The following ASTN1 variants were observed in gnomAD, a reference collection of about 807,000 sequenced individuals.
ASTN1 encodes astrotactin-1.
A neutral mutation model predicts 140.7 loss-of-function variants in ASTN1; 41 were observed. That is an observed-to-expected ratio of 0.29 (90% CI 0.23 to 0.38). The LOEUF (loss-of-function observed/expected upper bound fraction) is 0.38. Ranked by LOEUF, ASTN1 falls within the 10% of genes least tolerant of loss-of-function variation. ASTN1 has a pLI of 1.00. For missense variants in ASTN1, 1,479 were observed against 1,678.8 expected (o/e 0.88, Z 2.08); for synonymous variants, 640 against 652.2 (o/e 0.98, Z 0.29).
chr1:176,996,891 T>C (rs530001185), intron 8 of ASTN1, among the ~76,000 whole-genome samples: 10 of 152,238 alleles, frequency 6.6e-5, no homozygotes, highest in Admixed American at 6.5e-4. Context: ...AAATGCAATT[T>C]GAGGAAGGGA....
chr1:177,121,331 A>G (rs1021517074), intron 1 of ASTN1, among the ~76,000 whole-genome samples: 3 of 152,128 alleles, frequency 2.0e-5, no homozygotes, highest in South Asian at 2.1e-4. Flanking sequence ...CTGTTTGCTC[A>G]GCAGCAAAAT....
intron 1 of ASTN1, 67 bp from the exon 2 acceptor site, chr1:177,061,332 C>T (rs535835334): frequency 5.5e-5 from 77 of 1,393,900 alleles, no homozygotes; most frequent in African/African-American, 5.1e-4. Context: ...TCTTCTTCCT[C>T]GCCACTTGTA....
chr1:177,110,564 G>A (rs763970221), intron 1 of ASTN1, among the ~76,000 whole-genome samples: 3 of 152,178 alleles, frequency 2.0e-5, no homozygotes, highest in Non-Finnish European at 4.4e-5. Context: ...ATACAAAGGG[G>A]GAGGAAATAA....
At chr1:177,082,419 ACTCCCATGG>A (rs1306175269) in intron 1 of ASTN1, among the ~76,000 whole-genome samples, 1 of 151,964 alleles carries the variant, frequency 6.6e-6, no homozygotes, top group African/African-American at 2.4e-5. Context: ...TCCAGTTTTC[ACTCCCATGG>A]CTCTCTTTTC....
rs76100414 is a variant in ASTN1 at position 177,097,309 on chromosome 1, T to C, written c.284-36044A>G. On this transcript the variant is annotated intron_variant, in intron 1 of 22. Coordinates refer to ENST00000361833, the MANE Select transcript of ASTN1 (RefSeq NM_004319.3). ...CCAACTGCCAAATGCCTTCACTTTA[T>C]TTCATATGATAATTTTTCAATATAG... Among the ~76,000 whole-genome samples, 97 of 152,308 alleles carry C rather than the reference T, an allele frequency of 6.4e-4. 1 individual carries two copies. The East Asian group carries it at 0.018, about 29-fold the overall frequency.
chr1:177,005,977 T>C (rs1000757649), intron 8 of ASTN1, among the ~76,000 whole-genome samples: 1 of 152,192 alleles, frequency 6.6e-6, no homozygotes, highest in East Asian at 1.9e-4. Context: ...TAAGTTGTAA[T>C]GCATTAAATA....
At chr1:176,882,404 T>C (rs1315698799) in intron 20 of ASTN1, among the ~76,000 whole-genome samples, 1 of 152,234 alleles carries the variant, frequency 6.6e-6, no homozygotes, top group Non-Finnish European at 1.5e-5. Context: ...CTACTCACCT[T>C]CATGCTTCTT....
At chr1:176,952,384 T>A (rs1251826379) in intron 11 of ASTN1, among the ~76,000 whole-genome samples, 1 of 152,092 alleles carries the variant, frequency 6.6e-6, no homozygotes, top group Non-Finnish European at 1.5e-5. Flanking sequence ...AGTGACGACC[T>A]TGATGGCGAG....
At chr1:177,065,430 G>T (rs948372581) in intron 1 of ASTN1, among the ~76,000 whole-genome samples, 1 of 152,164 alleles carries the variant, frequency 6.6e-6, no homozygotes, top group Non-Finnish European at 1.5e-5. Context: ...TGTGTTACAT[G>T]GTCCCTATTC....
chr1:176,862,961 C>A lies in ASTN1; in HGVS notation c.*1323G>T. 3.0e-6 allele frequency: 3 copies of A among 985,464 alleles called. No individual in the cohort carries two copies. The highest frequency in any genetic ancestry group is 3.6e-6 in the Non-Finnish European group (3 of 829,960). 61.0% of individuals were successfully genotyped at this position (985,464 alleles called of 1,614,324 possible). A position where few individuals can be genotyped will look rare whatever the true frequency, so the allele number is the denominator to read the frequency against. ...TGGTGGCTGAAGGTGTGTGTTCAGG[C>A]CACTGAGTTGTGTGGGACAGCTAAG... On this transcript the variant is annotated 3_prime_UTR_variant, in exon 23 of 23. Transcript: ENST00000361833.
intron 2 of ASTN1, among the ~76,000 whole-genome samples, chr1:177,051,680 A>G (rs1169385554): frequency 6.6e-6 from 1 of 152,204 alleles, no homozygotes; most frequent in African/African-American, 2.4e-5. Context: ...TCTGTGAGAC[A>G]GACCCCAAAC....
In ASTN1 at chr1:176,980,980, G is replaced by C. The variant is rs925824905; in HGVS notation, c.1524-15743C>G. ...TAATCTCAGCACTTTGGGAGGCTGT[G>C]GTGGGTGGATCACCTGAGCTCAGGA... On this transcript the variant is annotated intron_variant, in intron 8 of 22. Coordinates refer to ENST00000361833, the MANE Select transcript of ASTN1 (RefSeq NM_004319.3). 2.0e-5 allele frequency among the ~76,000 whole-genome samples: 3 copies of C among 151,962 alleles called. No homozygotes were observed. The East Asian group carries it at 5.8e-4, about 29-fold the overall frequency.
At chr1:176,997,204 T>C (rs1045589380) in intron 8 of ASTN1, among the ~76,000 whole-genome samples, 1 of 152,154 alleles carries the variant, frequency 6.6e-6, no homozygotes, top group African/African-American at 2.4e-5. Context: ...CATAATTCTT[T>C]TGTTTACTCC....
chr1:176,980,457 C>T (rs781064451), intron 8 of ASTN1, among the ~76,000 whole-genome samples: 7 of 150,862 alleles, frequency 4.6e-5, no homozygotes, highest in Admixed American at 1.3e-4. Context: ...ACCCACAGCC[C>T]GTTTCTATGA....
intron 8 of ASTN1, among the ~76,000 whole-genome samples, chr1:176,968,338 T>A (rs1228612629): frequency 3.3e-5 from 5 of 152,228 alleles, no homozygotes; most frequent in Non-Finnish European, 7.3e-5. Flanking sequence ...CAAATTTCAA[T>A]AGAGGAAGAT....
chr1:177,035,353 G>C (rs1323993075), intron 2 of ASTN1, among the ~76,000 whole-genome samples: 4 of 152,192 alleles, frequency 2.6e-5, no homozygotes, highest in Non-Finnish European at 5.9e-5. Context: ...GAATAGGAGA[G>C]TATGGATGAA....
chr1:177,016,261 A>G (rs957934091), intron 7 of ASTN1, among the ~76,000 whole-genome samples: 102 of 150,482 alleles, frequency 6.8e-4, no homozygotes, highest in African/African-American at 2.5e-3. Flanking sequence ...TTTGTCCCCC[A>G]CAGCAGTTCA....
At chr1:176,866,527 G>A (rs1028316041) in intron 22 of ASTN1, among the ~76,000 whole-genome samples, 1 of 152,134 alleles carries the variant, frequency 6.6e-6, no homozygotes, top group Non-Finnish European at 1.5e-5. Context: ...AGAGGGAGTG[G>A]CAGAAGAGGG....
In ASTN1 at chr1:176,894,488, A is replaced by G. The variant is rs145178559; in HGVS notation, c.2940+74T>C. The G allele has an allele frequency of 5.2e-6, 8 of 1,543,746 alleles. No homozygotes were observed. The East Asian group carries it at 1.8e-4, about 35-fold the overall frequency. Reference sequence around the variant, plus strand: ...GCATGGCCCTCAACCACACCCTGTCACTTCCTCACACCATTTGGAAAGCCT... The same window carrying G: ...GCATGGCCCTCAACCACACCCTGTCGCTTCCTCACACCATTTGGAAAGCCT... On this transcript the variant is annotated intron_variant, in intron 17 of 22. Coordinates refer to ENST00000361833, the MANE Select transcript of ASTN1 (RefSeq NM_004319.3).
Sources: allele counts gnomAD v4.1 joint callset (sites outside exome capture counted in the v4.1 genomes callset), GRCh38; gene constraint gnomAD v4.1.1; transcripts MANE v1.5; gene names NCBI Gene and HGNC (gene_info 2026-07-23, HGNC 2026-07-21).